Variants in CNST observed in about 807,000 individuals in gnomAD.
CNST encodes consortin.
CNST carries 39 observed loss-of-function variants against 72.4 expected under a neutral mutation model. The observed-to-expected ratio is 0.54, with a 90% CI of 0.42 to 0.70. The LOEUF is 0.70. Among genes scored for constraint, CNST ranks in the 30% least tolerant of loss-of-function variants. CNST has a pLI of 0.00. For synonymous variants in CNST, 332 were observed against 320.1 expected, an observed-to-expected ratio of 1.04 and a Z score of -0.40; for missense variants, 871 against 868.5, an observed-to-expected ratio of 1.00 and a Z score of -0.04.
At chr1:246,613,407 C>T (rs1663462286) in intron 2 of CNST, among the ~76,000 whole-genome samples, 8 of 152,132 alleles carry the variant, frequency 5.3e-5, no homozygotes, top group Middle Eastern at 3.4e-3. Context: ...ATGGTTCACT[C>T]TTAAGGGAAG....
In CNST at chr1:246,566,542, C is replaced by T; in HGVS notation, c.-173C>T. 1 of 425,524 alleles carries T rather than the reference C, an allele frequency of 2.4e-6. No homozygotes were observed. The highest frequency in any genetic ancestry group is 7.7e-5 in the South Asian group (1 of 12,984). The allele number at this position is 425,524 out of a possible 1,614,324, so 26.4% of individuals were successfully genotyped here. The stretch of plus-strand genomic sequence containing the variant: ...GCGGAAAGGCGAGAGGTGTCTCCTC[C>T]ACCGGAGCCAGGGGAGACCCGAGCA... On this transcript the variant is annotated 5_prime_UTR_variant, in exon 1 of 11. Transcript: ENST00000366513.
At chr1:246,622,914 C>T (rs1664185625) in intron 3 of CNST, among the ~76,000 whole-genome samples, 1 of 152,088 alleles carries the variant, frequency 6.6e-6, no homozygotes, top group South Asian at 2.1e-4. Context: ...ATCTCCACCT[C>T]CCAGATTCAA....
intron 1 of CNST, among the ~76,000 whole-genome samples, chr1:246,589,529 G>C (rs1240503335): frequency 6.6e-6 from 1 of 151,862 alleles, no homozygotes; most frequent in Non-Finnish European, 1.5e-5. Context: ...GGACATTTGC[G>C]TTGGTTCCAA....
chr1:246,620,617 T>C (rs1572189404), intron 2 of CNST, among the ~76,000 whole-genome samples: 7 of 131,152 alleles, frequency 5.3e-5, no homozygotes, highest in African/African-American at 1.5e-4. Context: ...ATACACACGA[T>C]GGGCTCTGGG....
Position 246,641,727 on chromosome 1 carries a change from TTTTC to T in CNST, c.819-14_819-11del. 1 of 1,275,234 alleles carries T rather than the reference TTTTC, an allele frequency of 7.8e-7. No individual in the cohort carries two copies. Among genetic ancestry groups the T allele is most frequent in the Non-Finnish European group, 1.1e-6 (1 of 887,828 alleles). 79.0% of individuals were successfully genotyped at this position (1,275,234 alleles called of 1,614,324 possible). A position where few individuals can be genotyped will look rare whatever the true frequency, so the allele number is the denominator to read the frequency against. On this transcript the variant is annotated intron_variant, in intron 6 of 10. Coordinates refer to ENST00000366513, the MANE Select transcript of CNST (RefSeq NM_152609.3). ...CTGCTGTAATTTTTTTAAAATTCTTTTTTCTTTCTTTTTTCCTACAGTCCTCTTT... is the reference window on the plus strand; with the variant it reads ...CTGCTGTAATTTTTTTAAAATTCTTTTTTCTTTTTTCCTACAGTCCTCTTT...
At chr1:246,635,915 C>T (rs1020706867) in intron 6 of CNST, among the ~76,000 whole-genome samples, 1 of 152,110 alleles carries the variant, frequency 6.6e-6, no homozygotes, top group African/African-American at 2.4e-5. Flanking sequence ...AGGGTGTTGC[C>T]CGCCTGCTTT....
intron 1 of CNST, among the ~76,000 whole-genome samples, chr1:246,576,847 A>G (rs963418219): frequency 3.3e-5 from 5 of 151,304 alleles, no homozygotes; most frequent in African/African-American, 4.9e-5. Context: ...CTTGGCTACC[A>G]CCCCCTACCC....
intron 2 of CNST, among the ~76,000 whole-genome samples, chr1:246,604,050 G>A (rs1352538400): frequency 2.0e-5 from 3 of 152,158 alleles, no homozygotes; most frequent in African/African-American, 7.2e-5. Context: ...TGGCCAACAC[G>A]GTGAAACCCC....
chr1:246,663,350 AAAG>A (rs1310232024), intron 10 of CNST, among the ~76,000 whole-genome samples: 75 of 151,700 alleles, frequency 4.9e-4, no homozygotes, highest in African/African-American at 1.7e-3. Flanking sequence ...AAAAAAAAAA[AAAG>A]AAAGACAAGA....
chr1:246,662,227 A>G (rs1282958465), intron 10 of CNST, among the ~76,000 whole-genome samples: 1 of 152,198 alleles, frequency 6.6e-6, no homozygotes, highest in Non-Finnish European at 1.5e-5. Flanking sequence ...CGGTGTTTTC[A>G]TAAACCTCAC....
At chr1:246,660,389 G>A in intron 10 of CNST, 55 bp downstream of exon 10, 1 of 1,572,268 alleles carries the variant, frequency 6.4e-7, no homozygotes, top group East Asian at 2.2e-5. Context: ...TTGCTGAAAG[G>A]ATGAGTTTGT....
intron 1 of CNST, among the ~76,000 whole-genome samples, chr1:246,569,242 A>C (rs1180003711): frequency 6.6e-6 from 1 of 152,162 alleles, no homozygotes; most frequent in African/African-American, 2.4e-5. Flanking sequence ...ATTTAATCTT[A>C]TATATGTTAT....
chr1:246,647,380 T>C lies in CNST; in HGVS notation c.1179T>C (p.Ala393=). The part of the protein sequence containing the change: ...SPSGPDSSED[A]CEDDSRLQLA... ...CTGGGCCAGACTCTTCTGAGGATGC[T>C]TGTGAGGATGACAGTCGCTTGCAGC... is the stretch of plus-strand genomic sequence containing the variant. Residue 393 remains alanine, a synonymous_variant, in exon 9 of 11, where the codon GCT becomes GCC. Transcript: ENST00000366513. 6.2e-7 allele frequency: 1 copy of C among 1,613,902 alleles called. No homozygotes were observed. Among genetic ancestry groups the C allele is most frequent in the Non-Finnish European group, 8.5e-7 (1 of 1,179,976 alleles).
chr1:246,577,279 A>G (rs1660492060), intron 1 of CNST, among the ~76,000 whole-genome samples: 1 of 151,944 alleles, frequency 6.6e-6, no homozygotes, highest in Non-Finnish European at 1.5e-5. Flanking sequence ...TGTTGTTCTC[A>G]CCTGTCCTCC....
chr1:246,568,063 G>A (rs1465381898), intron 1 of CNST, among the ~76,000 whole-genome samples: 2 of 152,066 alleles, frequency 1.3e-5, no homozygotes, highest in African/African-American at 4.8e-5. Flanking sequence ...CACTTTGGGA[G>A]GCCAAGGTGG....
At chr1:246,579,555 GC>G (rs1317132582) in intron 1 of CNST, among the ~76,000 whole-genome samples, 3 of 152,194 alleles carry the variant, frequency 2.0e-5, no homozygotes, top group Non-Finnish European at 4.4e-5. Context: ...GATCACTTGA[GC>G]CCAGGAGTTC....
chr1:246,610,508 CTG>C (rs943013750), intron 2 of CNST, among the ~76,000 whole-genome samples: 7 of 152,166 alleles, frequency 4.6e-5, no homozygotes, highest in African/African-American at 1.7e-4. Flanking sequence ...ATGGGCCACA[CTG>C]TACTGTTTTT....
intron 2 of CNST, among the ~76,000 whole-genome samples, chr1:246,609,135 C>T (rs368962137): frequency 6.6e-6 from 1 of 152,204 alleles, no homozygotes; most frequent in Non-Finnish European, 1.5e-5. Context: ...ATAATACATT[C>T]TTTTGGCCCG....
At chr1:246,590,410 TCTTA>T (rs1271228237) in intron 1 of CNST, among the ~76,000 whole-genome samples, 1 of 152,198 alleles carries the variant, frequency 6.6e-6, no homozygotes, top group Non-Finnish European at 1.5e-5. Context: ...TGGCTATTTA[TCTTA>T]CTTCTGTTTC....
Sources: allele counts gnomAD v4.1 joint callset (sites outside exome capture counted in the v4.1 genomes callset), GRCh38; gene constraint gnomAD v4.1.1; transcripts MANE v1.5; gene names NCBI Gene and HGNC (gene_info 2026-07-23, HGNC 2026-07-21).